MBP: variants seen among roughly 807,000 people sequenced by gnomAD.
The protein encoded by MBP is Golli-MBP.
In MBP, 16 loss-of-function variants were observed where a neutral mutation model predicts 35.8. The observed-to-expected ratio is 0.45, with a 90% CI of 0.30 to 0.68. The LOEUF is 0.68. Among genes scored for constraint, MBP ranks in the 30% least tolerant of loss-of-function variants. MBP has a pLI of 0.08. For synonymous variants in MBP, 143 were observed against 159.6 expected, an observed-to-expected ratio of 0.90 and a Z score of 0.78; for missense variants, 380 against 404.7, an observed-to-expected ratio of 0.94 and a Z score of 0.52.
intron 4 of MBP, among the ~76,000 whole-genome samples, chr18:76,994,869 G>A (rs1162418019): frequency 6.6e-6 from 1 of 152,136 alleles, no homozygotes; most frequent in Non-Finnish European, 1.5e-5. Context: ...ATTTTCATAG[G>A]ATCATACACA....
chr18:77,131,088 C>T lies in MBP; in HGVS notation c.-26+1492G>A, dbSNP rs1192142256. On this transcript the variant is annotated intron_variant, in intron 1 of 8. Coordinates refer to ENST00000355994, the MANE Select transcript of MBP (RefSeq NM_001025101.2). This position sits in a 1 kb window ranked among gnomAD's most constrained non-coding sequence, Gnocchi z 5.5. ...ACACACACGCGCGCACGCACGCGCA[C>T]ACACACACACACACACACACACACA... Among the ~76,000 whole-genome samples, 1 of 33,476 alleles carries T rather than the reference C, an allele frequency of 3.0e-5. No individual in the cohort carries two copies. The highest frequency in any genetic ancestry group is 7.9e-5 in the Non-Finnish European group (1 of 12,588). The allele number at this position is 33,476 out of a possible 152,430, so 22.0% of individuals were successfully genotyped here.
intron 4 of MBP, chr18:77,015,594 G>A (rs1031337288): frequency 5.1e-6 from 5 of 985,282 alleles, no homozygotes; most frequent in Admixed American, 6.1e-5. Flanking sequence ...AATAAGTCAC[G>A]GCAAGTGTCA....
At chr18:76,982,918 G>T (rs2123053089) in intron 8 of MBP, 2 of 152,268 alleles carry the variant, frequency 1.3e-5, no homozygotes, top group South Asian at 4.1e-4. Flanking sequence ...ATTTTTAAAA[G>T]CTTCTTACAA....
At chr18:76,987,380 GCAAGT>G in intron 7 of MBP, 1 of 985,428 alleles carries the variant, frequency 1.0e-6, no homozygotes, top group Non-Finnish European at 1.2e-6. Context: ...GTCAGAAAAA[GCAAGT>G]CAAATATGCA....
chr18:77,069,014 C>T (rs763722351), intron 2 of MBP: 2 of 484,180 alleles, frequency 4.1e-6, no homozygotes, highest in South Asian at 3.0e-5. Context: ...CTTCCAGGCT[C>T]CCAGCAGCCT....
chr18:76,991,258 G>A (rs1423068294), intron 4 of MBP, among the ~76,000 whole-genome samples: 5 of 152,188 alleles, frequency 3.3e-5, no homozygotes, highest in Non-Finnish European at 7.3e-5. Context: ...TGAGTGCCCA[G>A]GGCCAGCTGG....
chr18:77,028,540 G>A (rs1437350214), intron 3 of MBP, among the ~76,000 whole-genome samples: 6 of 97,438 alleles, frequency 6.2e-5, no homozygotes, highest in African/African-American at 1.5e-4. Flanking sequence ...CCGGGCAGAG[G>A]GGCTCCTCAC....
At position 77,044,661 on chromosome 18, in the gene MBP, C is replaced by T. The variant is rs1023334550; in HGVS notation, c.139+21637G>A. On this transcript the variant is annotated intron_variant, in intron 3 of 8. Coordinates refer to ENST00000355994, the MANE Select transcript of MBP (RefSeq NM_001025101.2). The surrounding 1 kb of genome is among the most constrained non-coding windows in gnomAD (Gnocchi z 4.4). ...TGTGGTGCTGAGCCCCTCACACACA[C>T]GAGGGGCCCCGGAATCACCTGCCAC... 6.6e-6 allele frequency among the ~76,000 whole-genome samples: 1 copy of T among 152,172 alleles called. No homozygotes were observed. The highest frequency in any genetic ancestry group is 2.4e-5 in the African/African-American group (1 of 41,444).
Position 77,131,267 on chromosome 18 carries a change from C to T in MBP, c.-26+1313G>A, listed in dbSNP as rs1429282531. On this transcript the variant is annotated intron_variant, in intron 1 of 8. Coordinates refer to ENST00000355994, the MANE Select transcript of MBP (RefSeq NM_001025101.2). The surrounding 1 kb of genome is among the most constrained non-coding windows in gnomAD (Gnocchi z 5.5). ...GGCCGCCAGGGAGCTCAGTGCGGGA[C>T]CTGCTCAATCCATACGGTCCCCTGA... is the stretch of plus-strand genomic sequence containing the variant. Among the ~76,000 whole-genome samples the T allele has an allele frequency of 6.6e-6, 1 of 152,126 alleles. No individual in the cohort carries two copies. The highest frequency in any genetic ancestry group is 2.4e-5 in the African/African-American group (1 of 41,422).
Position 77,044,846 on chromosome 18 carries a change from G to A in MBP, c.139+21452C>T, listed in dbSNP as rs1244424282. Among the ~76,000 whole-genome samples, 1 of 151,978 alleles carries A rather than the reference G, an allele frequency of 6.6e-6. No individual in the cohort carries two copies. The highest frequency in any genetic ancestry group is 1.5e-5 in the Non-Finnish European group (1 of 68,010). On this transcript the variant is annotated intron_variant, in intron 3 of 8. Transcript: ENST00000355994. This position sits in a 1 kb window ranked among gnomAD's most constrained non-coding sequence, Gnocchi z 4.4. ...TGTCTGTTCTCTTAACAACAATTGT[G>A]AGGATGACTGTAAGGTTGTTGTCTG...
intron 3 of MBP, among the ~76,000 whole-genome samples, chr18:77,042,330 C>T (rs1020380550): frequency 3.3e-5 from 5 of 152,296 alleles, no homozygotes; most frequent in East Asian, 3.9e-4. Flanking sequence ...ATCTGACTCT[C>T]AGCCCTGGGC....
At chr18:77,047,398 T>C (rs373932130) in intron 3 of MBP, among the ~76,000 whole-genome samples, 5 of 152,310 alleles carry the variant, frequency 3.3e-5, no homozygotes, top group African/African-American at 1.2e-4. Flanking sequence ...ACACCACGCA[T>C]TTACAGGAAG....
chr18:77,028,613 C>CA (rs1343895106), intron 3 of MBP, among the ~76,000 whole-genome samples: 1 of 71,646 alleles, frequency 1.4e-5, no homozygotes, highest in Non-Finnish European at 3.7e-5. Flanking sequence ...GCTGGCCGGG[C>CA]GGGGGGCTGA....
Position 77,019,845 on chromosome 18 carries a change from C to T in MBP, c.140-2577G>A, listed in dbSNP as rs8090772. On this transcript the variant is annotated intron_variant, in intron 3 of 8. Coordinates refer to ENST00000355994, the MANE Select transcript of MBP (RefSeq NM_001025101.2). Reference sequence around the variant, plus strand: ...TGGAAGCCTGCGCGGAATCGGCTCCCGGTGGCGGAAGCAGCAGGAGAGCGG... The same window carrying T: ...TGGAAGCCTGCGCGGAATCGGCTCCTGGTGGCGGAAGCAGCAGGAGAGCGG... Among the ~76,000 whole-genome samples, 1,504 of 152,222 alleles carry T rather than the reference C, an allele frequency of 9.9e-3. 70 individuals are homozygous for T. The highest frequency in any genetic ancestry group is 0.095 in the East Asian group (490 of 5,150).
At chr18:77,028,590 C>T (rs1252381614) in intron 3 of MBP, among the ~76,000 whole-genome samples, 2 of 85,918 alleles carry the variant, frequency 2.3e-5, no homozygotes, top group Non-Finnish European at 6.1e-5. Flanking sequence ...CCCCTCACCT[C>T]CCGGACGGGG....
chr18:77,064,162 A>G (rs531919477), intron 3 of MBP, among the ~76,000 whole-genome samples: 16 of 152,326 alleles, frequency 1.1e-4, no homozygotes, highest in African/African-American at 3.4e-4. Flanking sequence ...AGATCATCTA[A>G]ATGAATTTTT....
intron 4 of MBP, among the ~76,000 whole-genome samples, chr18:77,009,524 C>T (rs1417213565): frequency 7.9e-5 from 12 of 152,256 alleles, no homozygotes; most frequent in Admixed American, 2.6e-4. Flanking sequence ...GGCCCCTCCA[C>T]GCACTTCAGG....
At chr18:77,121,556 G>A (rs1976885359) in intron 1 of MBP, among the ~76,000 whole-genome samples, 1 of 152,158 alleles carries the variant, frequency 6.6e-6, no homozygotes, top group Admixed American at 6.5e-5. Flanking sequence ...AATAAGGTGA[G>A]CTTCTAACAT....
rs1163598868 is a variant in MBP, at chr18:77,044,163, G to A, written c.139+22135C>T. ...GCAGAGGTCGAATGCACTCCCTGGT[G>A]ACTTACACATCTCACAAGTGCCCTC... On this transcript the variant is annotated intron_variant, in intron 3 of 8. Transcript: ENST00000355994. This position sits in a 1 kb window ranked among gnomAD's most constrained non-coding sequence, Gnocchi z 4.4. 6.6e-6 allele frequency among the ~76,000 whole-genome samples: 1 copy of A among 152,048 alleles called. No homozygotes were observed. The highest frequency in any genetic ancestry group is 1.5e-5 in the Non-Finnish European group (1 of 68,002).
Sources: allele counts gnomAD v4.1 joint callset (sites outside exome capture counted in the v4.1 genomes callset), GRCh38; gene constraint gnomAD v4.1.1; non-coding constraint Gnocchi (gnomAD v3.1); transcripts MANE v1.5; gene names NCBI Gene and HGNC (gene_info 2026-07-23, HGNC 2026-07-21).